The following SLC14A2 variants were observed in gnomAD, a reference collection of about 807,000 sequenced individuals.
The protein encoded by SLC14A2 is solute carrier family 14 member 2.
A neutral mutation model predicts 104.6 loss-of-function variants in SLC14A2; 91 were observed. The ratio of observed to expected loss-of-function variants is 0.87; its 90% CI spans 0.73 to 1.04. The LOEUF is 1.04. SLC14A2 is among the 50% of genes least tolerant of loss of function. SLC14A2 has a pLI of 0.00. For missense variants in SLC14A2, 1,189 were observed against 1,156.0 expected (o/e 1.03, Z -0.41); for synonymous variants, 476 against 466.4 (o/e 1.02, Z -0.27).
chr18:45,171,154 G>T, the SLC14A2 span, among the ~76,000 whole-genome samples: 1 of 152,034 alleles, frequency 6.6e-6, no homozygotes, highest in Non-Finnish European at 1.5e-5. Context: ...ATAAATAACA[G>T]ATAATTTTTA....
chr18:45,225,886 T>G (rs1398718336), intron 1 of SLC14A2, among the ~76,000 whole-genome samples: 2 of 152,164 alleles, frequency 1.3e-5, no homozygotes, highest in Admixed American at 1.3e-4. Flanking sequence ...AAGGAGATTT[T>G]GGGCTGAGAC....
intron 2 of SLC14A2, among the ~76,000 whole-genome samples, chr18:45,607,410 T>C (rs2044890223): frequency 6.6e-6 from 1 of 152,200 alleles, no homozygotes; most frequent in Non-Finnish European, 1.5e-5. Flanking sequence ...TCTACATGGT[T>C]GCTAGGAAGG....
At chr18:45,593,756 T>C (rs1036549720) in intron 2 of SLC14A2, among the ~76,000 whole-genome samples, 3 of 152,186 alleles carry the variant, frequency 2.0e-5, no homozygotes, top group Non-Finnish European at 4.4e-5. Context: ...CCCAAAGTGC[T>C]GGAACCACCA....
chr18:45,371,624 C>G (rs2085723599), intron 1 of SLC14A2, among the ~76,000 whole-genome samples: 1 of 152,144 alleles, frequency 6.6e-6, no homozygotes, highest in Non-Finnish European at 1.5e-5. Flanking sequence ...TCTTTCTGAC[C>G]CTAGAGCCTA....
chr18:45,563,008 T>C (rs1292249199), intron 2 of SLC14A2, among the ~76,000 whole-genome samples: 1 of 152,196 alleles, frequency 6.6e-6, no homozygotes, highest in Non-Finnish European at 1.5e-5. Flanking sequence ...TAAAAAGTGT[T>C]TGGATTTTCT....
chr18:45,592,614 C>T (rs891992375), intron 2 of SLC14A2, among the ~76,000 whole-genome samples: 32 of 152,216 alleles, frequency 2.1e-4, no homozygotes, highest in African/African-American at 7.5e-4. Context: ...TATTATATTC[C>T]TACCAGCTCT....
intron 2 of SLC14A2, among the ~76,000 whole-genome samples, chr18:45,555,282 A>G (rs188193237): frequency 8.2e-4 from 125 of 152,306 alleles, no homozygotes; most frequent in African/African-American, 1.6e-3. Flanking sequence ...AGAACATTCA[A>G]TGGTATAATA....
chr18:45,178,505 A>G, the SLC14A2 span, among the ~76,000 whole-genome samples: 1 of 152,218 alleles, frequency 6.6e-6, no homozygotes, highest in Non-Finnish European at 1.5e-5. Context: ...TTAATATGAA[A>G]TGAAAGCAAA....
At chr18:45,336,211 C>T (rs2085336785) in intron 1 of SLC14A2, among the ~76,000 whole-genome samples, 2 of 152,092 alleles carry the variant, frequency 1.3e-5, no homozygotes, top group Middle Eastern at 3.2e-3. Flanking sequence ...TTCTTGTTGC[C>T]TTGTTCATAA....
upstream of SLC14A2, among the ~76,000 whole-genome samples, chr18:45,209,228 A>G (rs910628110): frequency 1.3e-5 from 2 of 150,030 alleles, no homozygotes; most frequent in Admixed American, 6.7e-5. Flanking sequence ...CTGTAGTCCT[A>G]GCTACTCGGG....
chr18:45,180,090 A>C, the SLC14A2 span: 1 of 152,352 alleles, frequency 6.6e-6, no homozygotes, highest in East Asian at 1.9e-4. Flanking sequence ...TTGAGGCTGC[A>C]GTGAGACGTG....
chr18:45,547,998 G>T (rs2043999272), intron 2 of SLC14A2, among the ~76,000 whole-genome samples: 3 of 152,170 alleles, frequency 2.0e-5, no homozygotes, highest in Admixed American at 2.0e-4. Context: ...CCAGGACTTG[G>T]AGTCTTTCCC....
chr18:45,267,339 C>T (rs2084602266), intron 1 of SLC14A2, among the ~76,000 whole-genome samples: 1 of 152,014 alleles, frequency 6.6e-6, no homozygotes, highest in African/African-American at 2.4e-5. Context: ...TTTGATAACT[C>T]CACAACATTT....
chr18:45,596,210 G>C (rs908215763), intron 2 of SLC14A2, among the ~76,000 whole-genome samples: 1 of 152,204 alleles, frequency 6.6e-6, no homozygotes, highest in African/African-American at 2.4e-5. Flanking sequence ...ATGTGGAAAG[G>C]CCTGGCTTGC....
intron 1 of SLC14A2, among the ~76,000 whole-genome samples, chr18:45,298,461 C>T (rs117215750): frequency 3.3e-4 from 51 of 152,326 alleles, no homozygotes; most frequent in Admixed American, 6.5e-4. Flanking sequence ...GTGTGAAGAC[C>T]TGTTTACTCT....
the SLC14A2 span, among the ~76,000 whole-genome samples, chr18:45,177,794 A>G: frequency 1.3e-5 from 2 of 152,226 alleles, no homozygotes; most frequent in African/African-American, 4.8e-5. Flanking sequence ...GGCATAGAGT[A>G]GACATGCAAT....
chr18:45,457,867 G>A (rs1314188573), intron 1 of SLC14A2, among the ~76,000 whole-genome samples: 4 of 152,090 alleles, frequency 2.6e-5, no homozygotes, highest in East Asian at 3.9e-4. Flanking sequence ...AGCTACCCCC[G>A]GGGCTGGGGC....
At chr18:45,257,684 CAT>C (rs1296409977) in intron 1 of SLC14A2, among the ~76,000 whole-genome samples, 1 of 152,128 alleles carries the variant, frequency 6.6e-6, no homozygotes, top group Non-Finnish European at 1.5e-5. Context: ...TCTCCAACCT[CAT>C]AGAGGAGGTT....
chr18:45,581,721 GTTGTTGTTGATATTGCTGTA>G (rs2044495087), intron 2 of SLC14A2, among the ~76,000 whole-genome samples: 2 of 152,196 alleles, frequency 1.3e-5, no homozygotes, highest in Admixed American at 6.5e-5. Flanking sequence ...TGTTAGCTGT[GTTGTTGTTGATATTGCTGTA>G]TTGTTATCCA....
Sources: gnomAD v4.1 joint callset for allele counts (sites outside exome capture counted in the v4.1 genomes callset) on GRCh38, gnomAD v4.1.1 for gene constraint, MANE v1.5 for transcripts, NCBI Gene and HGNC (gene_info 2026-07-23, HGNC 2026-07-21) for gene names.